The following CCDC47 variants were observed in gnomAD, a reference collection of about 807,000 sequenced individuals.
CCDC47 encodes the protein coiled-coil domain containing 47.
A neutral mutation model predicts 60.5 loss-of-function variants in CCDC47; 41 were observed. The ratio of observed to expected loss-of-function variants is 0.68; its 90% CI spans 0.53 to 0.88. The LOEUF (loss-of-function observed/expected upper bound fraction) is 0.88. Among genes scored for constraint, CCDC47 ranks in the 40% least tolerant of loss-of-function variants. CCDC47 has a pLI of 0.00. For synonymous variants in CCDC47, 195 were observed against 190.7 expected (o/e 1.02, Z -0.18); for missense variants, 513 against 580.9 (o/e 0.88, Z 1.20).
intron 1 of CCDC47, among the ~76,000 whole-genome samples, chr17:63,767,890 C>G (rs1029037964): frequency 3.9e-5 from 6 of 152,102 alleles, no homozygotes. Context: ...AACAAGATAT[C>G]TAATGTTTTG....
chr17:63,765,660 T>C (rs2039292645), intron 2 of CCDC47: 2 of 1,254,834 alleles, frequency 1.6e-6, no homozygotes, highest in African/African-American at 1.6e-5. Context: ...TTCTAAATAA[T>C]ACAATTCTCA....
In CCDC47 at chr17:63,752,429, A is replaced by C; in HGVS notation, c.1094T>G (p.Val365Gly). 1 of 1,599,382 alleles carries C rather than the reference A, an allele frequency of 6.3e-7. No individual in the cohort carries two copies. The highest frequency in any genetic ancestry group is 8.5e-7 in the Non-Finnish European group (1 of 1,170,852). ...TGGGTAAGTGTTACCTGAGCCAGGC[A>C]CTGGAAAACAAAGCCATTTTTCCTA... ...TKRTLLFTFN[V>G]PGSGNTYPKD... Residue 365 changes from valine to glycine, a missense_variant and splice_region_variant, in exon 11 of 13, where the codon GTG becomes GGG. Physicochemically the swap from Val to Gly is moderately radical, Grantham distance 109. Coordinates refer to ENST00000225726, the MANE Select transcript of CCDC47 (RefSeq NM_020198.3).
chr17:63,750,496 T>C (rs9891018), intron 12 of CCDC47, among the ~76,000 whole-genome samples: 42,348 of 152,098 alleles, frequency 0.28, 6,272 homozygotes, highest in Middle Eastern at 0.37. Flanking sequence ...CACATTTTCT[T>C]GGACACGTGA....
chr17:63,757,021 A>G (rs1042041260), intron 6 of CCDC47, among the ~76,000 whole-genome samples: 1 of 152,006 alleles, frequency 6.6e-6, no homozygotes, highest in Non-Finnish European at 1.5e-5. Flanking sequence ...AGGCTGAGGC[A>G]TGACTGCTTG....
chr17:63,746,633 T>C lies in CCDC47; in HGVS notation c.*248A>G, dbSNP rs2039122331. On this transcript the variant is annotated 3_prime_UTR_variant, in exon 13 of 13. Coordinates refer to ENST00000225726, the MANE Select transcript of CCDC47 (RefSeq NM_020198.3). Reference sequence around the variant, plus strand: ...AACCTACACAGATTTCATAGATCATTCCTTTTATAAAATAATCAAAATAAT... The same window carrying C: ...AACCTACACAGATTTCATAGATCATCCCTTTTATAAAATAATCAAAATAAT... 2.6e-6 allele frequency: 1 copy of C among 390,188 alleles called. No homozygotes were observed. The highest frequency in any genetic ancestry group is 4.6e-6 in the Non-Finnish European group (1 of 217,056). The allele number at this position is 390,188 out of a possible 1,614,324, so 24.2% of individuals were successfully genotyped here. A position where few individuals can be genotyped will look rare whatever the true frequency, so the allele number is the denominator to read the frequency against.
chr17:63,771,045 G>GAAGGAAGAAGAAAGAAAGAAAGA (rs759971442), intron 1 of CCDC47, among the ~76,000 whole-genome samples: 1 of 97,822 alleles, frequency 1.0e-5, no homozygotes, highest in Non-Finnish European at 2.0e-5. Flanking sequence ...AGGAAGGAAG[G>GAAGGAAGAAGAAAGAAAGAAAGA]AAGAAAGAAA....
intron 4 of CCDC47, among the ~76,000 whole-genome samples, 157 bp downstream of exon 4, chr17:63,763,859 T>G (rs935169677): frequency 1.4e-5 from 2 of 142,280 alleles, no homozygotes; most frequent in African/African-American, 2.6e-5. Flanking sequence ...TAAATTAAAT[T>G]AAAAAAAAAA....
intron 10 of CCDC47, 37 bp from the exon 11 acceptor site, chr17:63,752,466 G>T: frequency 7.4e-7 from 1 of 1,342,674 alleles, no homozygotes; most frequent in Non-Finnish European, 1.0e-6. Flanking sequence ...TGAGTTAATG[G>T]TAGCATTAAT....
At chr17:63,772,380 A>G (rs2039352604) in intron 1 of CCDC47, among the ~76,000 whole-genome samples, 1 of 150,426 alleles carries the variant, frequency 6.6e-6, no homozygotes, top group African/African-American at 2.4e-5. Flanking sequence ...CAGCCTCCCA[A>G]GTAGCTGGGA....
chr17:63,764,901 G>T, intron 2 of CCDC47, 54 bp from the exon 3 acceptor site: 1 of 1,564,512 alleles, frequency 6.4e-7, no homozygotes, highest in Non-Finnish European at 8.6e-7. Context: ...CAGCAGCTGT[G>T]TCTCATTTTG....
chr17:63,759,506 A>AT (rs1357994040), intron 6 of CCDC47, among the ~76,000 whole-genome samples: 1 of 24,466 alleles, frequency 4.1e-5, no homozygotes, highest in East Asian at 9.4e-4. Context: ...AAAAAAAAAA[A>AT]AAATATATAT....
rs565804575 is a variant in CCDC47, at chr17:63,768,496, T to C, written c.-19-2302A>G. On this transcript the variant is annotated intron_variant, in intron 1 of 12. Coordinates refer to ENST00000225726, the MANE Select transcript of CCDC47 (RefSeq NM_020198.3). ...CGAGCCCAAGAGTTGGAGACCAGCC[T>C]TGGCAACATGGCGAAAACCCACCTC... 2.0e-5 allele frequency among the ~76,000 whole-genome samples: 3 copies of C among 152,258 alleles called. No homozygotes were observed. In the South Asian group the frequency reaches 6.2e-4, roughly 32 times the overall value.
chr17:63,761,007 T>A, intron 5 of CCDC47, 28 bp from the exon 6 acceptor site: 1 of 1,574,860 alleles, frequency 6.3e-7, no homozygotes, highest in Non-Finnish European at 8.7e-7. Flanking sequence ...AGTAAGTAAA[T>A]CCAACTGCAA....
intron 4 of CCDC47, among the ~76,000 whole-genome samples, chr17:63,763,526 A>AAAAAAT (rs1297838932): frequency 6.6e-6 from 1 of 152,080 alleles, no homozygotes; most frequent in Admixed American, 6.6e-5. Flanking sequence ...CCTTGCCTCA[A>AAAAAAT]AAAAATAAAA....
chr17:63,756,483 C>A lies in CCDC47; in HGVS notation c.823G>T (p.Glu275Ter). The A allele has an allele frequency of 6.2e-7, 1 of 1,613,870 alleles. No homozygotes were observed. The highest frequency in any genetic ancestry group is 8.5e-7 in the Non-Finnish European group (1 of 1,179,708). The change falls in exon 7 of 13, where the codon GAG becomes TAG. Residue 275 changes from glutamate (E) to a stop codon, truncating the protein, a stop_gained. Transcript: ENST00000225726. LOFTEE classifies it high-confidence loss of function. ...TRKALVRLQKEMQDLSEFCSD... is the reference protein window; with the variant it reads ...TRKALVRLQK Reference sequence around the variant, plus strand: ...ACCTGACATACCAAATCCTGCATCTCTTTCTGTAGTCGCACCAAGGCTTTC... The same window carrying A: ...ACCTGACATACCAAATCCTGCATCTATTTCTGTAGTCGCACCAAGGCTTTC...
chr17:63,766,264 A>G, intron 1 of CCDC47, 70 bp from the exon 2 acceptor site: 3 of 1,384,394 alleles, frequency 2.2e-6, no homozygotes, highest in South Asian at 1.5e-5. Flanking sequence ...ATAAACAGTA[A>G]AAATCTATAA....
intron 6 of CCDC47, among the ~76,000 whole-genome samples, chr17:63,758,402 A>C (rs1011402297): frequency 5.9e-5 from 9 of 152,166 alleles, no homozygotes; most frequent in Admixed American, 1.3e-4. Flanking sequence ...GGCTGGGCAC[A>C]GTGGCTCATG....
At position 63,751,961 on chromosome 17, in the gene CCDC47, AG is replaced by A; in HGVS notation, c.1349del (p.Pro450LeufsTer12). 1 of 1,613,766 alleles carries A rather than the reference AG, an allele frequency of 6.2e-7. No individual in the cohort carries two copies. Among genetic ancestry groups the A allele is most frequent in the Non-Finnish European group, 8.5e-7 (1 of 1,180,008 alleles). On this transcript the variant is annotated frameshift_variant, in exon 12 of 13. Transcript: ENST00000225726. LOFTEE classifies it high-confidence loss of function. ...EKERIMNEED[P>X]EKQRRLEEAA... ...TAACCTCCAGCCTGCGCTGTTTCTC[AG>A]GATCTTCCTCATTCATGATTCGCTC...
At chr17:63,768,982 G>A (rs2039316265) in intron 1 of CCDC47, among the ~76,000 whole-genome samples, 1 of 151,928 alleles carries the variant, frequency 6.6e-6, no homozygotes, top group African/African-American at 2.4e-5. Flanking sequence ...TACTTGGGAG[G>A]CTGAGGTATG....
Sources: allele counts gnomAD v4.1 joint callset (sites outside exome capture counted in the v4.1 genomes callset), GRCh38; gene constraint gnomAD v4.1.1; transcripts MANE v1.5; gene names NCBI Gene and HGNC (gene_info 2026-07-23, HGNC 2026-07-21).